EFNA5: variants seen among roughly 807,000 people sequenced by gnomAD.
The protein encoded by EFNA5 is ephrin A5.
In EFNA5, 5 loss-of-function variants were observed where a neutral mutation model predicts 22.9. The ratio of observed to expected loss-of-function variants is 0.22; its 90% CI spans 0.11 to 0.46. EFNA5 has a LOEUF of 0.46. Ranked by LOEUF, EFNA5 falls within the 20% of genes least tolerant of loss-of-function variation. The pLI is 0.99. For synonymous variants in EFNA5, 113 were observed against 112.2 expected (o/e 1.01, Z -0.04); for missense variants, 237 against 293.3 (o/e 0.81, Z 1.40).
rs151335397 is a variant in EFNA5, at chr5:107,658,997, G to T, written c.125+11492C>A. Among the ~76,000 whole-genome samples, 411 of 152,150 alleles carry T rather than the reference G, an allele frequency of 2.7e-3. 3 individuals are homozygous for T. Among genetic ancestry groups the T allele is most frequent in the African/African-American group, 8.6e-3 (356 of 41,502 alleles). ...ATATCTGTCAAATAAATCTACATGT[G>T]CACATTTATGGTACTATTTTATACT... is the stretch of plus-strand genomic sequence containing the variant. On this transcript the variant is annotated intron_variant, in intron 1 of 4. Transcript: ENST00000333274.
At chr5:107,607,028 T>C (rs1057178844) in intron 1 of EFNA5, among the ~76,000 whole-genome samples, 1 of 152,222 alleles carries the variant, frequency 6.6e-6, no homozygotes, top group Non-Finnish European at 1.5e-5. Flanking sequence ...AGATCTAATA[T>C]AACTATATTA....
At chr5:107,427,996 C>A (rs3873122) in intron 1 of EFNA5, among the ~76,000 whole-genome samples, 29,334 of 151,956 alleles carry the variant, frequency 0.19, 2,971 homozygotes, top group South Asian at 0.33. Context: ...TTTCCACTTT[C>A]TATGCAAATG....
At chr5:107,382,305 A>T (rs1747490051) in intron 4 of EFNA5, among the ~76,000 whole-genome samples, 1 of 152,228 alleles carries the variant, frequency 6.6e-6, no homozygotes, top group Non-Finnish European at 1.5e-5. Flanking sequence ...GCTCTGCTCC[A>T]GGGCTGCCTG....
In EFNA5 at chr5:107,380,649, T is replaced by TA. The variant is rs368717510; in HGVS notation, c.*605dup. 0.067 allele frequency: 19,677 copies of TA among 292,994 alleles called. No individual in the cohort carries two copies. The highest frequency in any genetic ancestry group is 0.095 in the Middle Eastern group (102 of 1,074). The allele number at this position is 292,994 out of a possible 1,614,324, so 18.1% of individuals were successfully genotyped here. On this transcript the variant is annotated 3_prime_UTR_variant, in exon 5 of 5. Transcript: ENST00000333274. ...CAAGAATGCTTTAAGACAGTCATAT[T>TA]AAAAAAAAAAACCAGTGTCTCAACC...
chr5:107,524,379 G>A (rs1747654328), intron 1 of EFNA5, among the ~76,000 whole-genome samples: 1 of 152,208 alleles, frequency 6.6e-6, no homozygotes, highest in Non-Finnish European at 1.5e-5. Flanking sequence ...CCACAGCACA[G>A]GTTGAGTGAG....
At chr5:107,414,660 G>T (rs1748458360) in intron 2 of EFNA5, among the ~76,000 whole-genome samples, 1 of 152,058 alleles carries the variant, frequency 6.6e-6, no homozygotes, top group Admixed American at 6.6e-5. Flanking sequence ...GGGTTTTATA[G>T]CATTTGGAAT....
chr5:107,429,358 A>G (rs1028087175), intron 1 of EFNA5, among the ~76,000 whole-genome samples: 1 of 152,260 alleles, frequency 6.6e-6, no homozygotes. Flanking sequence ...AGGCACAAGA[A>G]TGGCACGAAC....
At chr5:107,511,192 A>T (rs1747363930) in intron 1 of EFNA5, among the ~76,000 whole-genome samples, 1 of 152,022 alleles carries the variant, frequency 6.6e-6, no homozygotes, top group African/African-American at 2.4e-5. Context: ...ACGCCTGGCT[A>T]ATTTTGTATT....
chr5:107,439,994 G>A (rs1282884495), intron 1 of EFNA5, among the ~76,000 whole-genome samples: 1 of 152,176 alleles, frequency 6.6e-6, no homozygotes, highest in East Asian at 1.9e-4. Context: ...CTGTGGTTTA[G>A]ACTGGGGAAC....
intron 1 of EFNA5, among the ~76,000 whole-genome samples, chr5:107,643,122 T>A (rs183035194): frequency 8.5e-5 from 13 of 152,222 alleles, no homozygotes; most frequent in Non-Finnish European, 1.6e-4. Flanking sequence ...ACATTTCTCT[T>A]CTAACACGGA....
At chr5:107,473,500 C>T (rs375736318) in intron 1 of EFNA5, among the ~76,000 whole-genome samples, 102 of 152,140 alleles carry the variant, frequency 6.7e-4, no homozygotes, top group African/African-American at 2.2e-3. Context: ...GTGACTACAA[C>T]AGATTTAATT....
At chr5:107,608,640 C>A (rs1462483084) in intron 1 of EFNA5, among the ~76,000 whole-genome samples, 1 of 152,192 alleles carries the variant, frequency 6.6e-6, no homozygotes, top group Non-Finnish European at 1.5e-5. Flanking sequence ...GATGGAGGCA[C>A]CAAGTCAACT....
intron 1 of EFNA5, among the ~76,000 whole-genome samples, chr5:107,557,435 C>T (rs1168982728): frequency 6.6e-6 from 1 of 152,144 alleles, no homozygotes; most frequent in Non-Finnish European, 1.5e-5. Context: ...CACGCTGCCT[C>T]AGGAACCACG....
chr5:107,410,669 GA>G (rs956370369), intron 2 of EFNA5, among the ~76,000 whole-genome samples: 15 of 151,812 alleles, frequency 9.9e-5, no homozygotes, highest in Admixed American at 4.6e-4. Flanking sequence ...AGTTTTTCAG[GA>G]AAAAAAATAA....
At chr5:107,569,768 C>A in intron 1 of EFNA5, among the ~76,000 whole-genome samples, 1 of 145,274 alleles carries the variant, frequency 6.9e-6, no homozygotes, top group African/African-American at 2.5e-5. Flanking sequence ...AGGAGAATCA[C>A]TTGAACCTGG....
At chr5:107,597,664 A>G (rs1296228894) in intron 1 of EFNA5, among the ~76,000 whole-genome samples, 1 of 152,222 alleles carries the variant, frequency 6.6e-6, no homozygotes, top group Non-Finnish European at 1.5e-5. Context: ...AAAAACACTG[A>G]AAATTAAGTG....
intron 1 of EFNA5, among the ~76,000 whole-genome samples, chr5:107,539,786 A>T (rs564805283): frequency 6.6e-6 from 1 of 152,304 alleles, no homozygotes; most frequent in East Asian, 1.9e-4. Flanking sequence ...AATGGATACA[A>T]ACCAGTCAGC....
At chr5:107,593,032 C>T (rs946583973) in intron 1 of EFNA5, among the ~76,000 whole-genome samples, 1 of 152,204 alleles carries the variant, frequency 6.6e-6, no homozygotes, top group African/African-American at 2.4e-5. Flanking sequence ...ATGTGAGAAA[C>T]TAACCTCCAG....
intron 1 of EFNA5, among the ~76,000 whole-genome samples, chr5:107,586,955 T>C (rs919710952): frequency 6.6e-6 from 1 of 152,210 alleles, no homozygotes; most frequent in Non-Finnish European, 1.5e-5. Flanking sequence ...GGGGTAATCT[T>C]ACATGGACAC....
Sources: allele counts gnomAD v4.1 joint callset (sites outside exome capture counted in the v4.1 genomes callset), GRCh38; gene constraint gnomAD v4.1.1; transcripts MANE v1.5; gene names NCBI Gene and HGNC (gene_info 2026-07-23, HGNC 2026-07-21).